The following ABI2 variants were observed in gnomAD, a reference collection of about 807,000 sequenced individuals.
The protein encoded by ABI2 is abelson interactor 2.
A neutral mutation model predicts 59.2 loss-of-function variants in ABI2; 25 were observed. That is an observed-to-expected ratio of 0.42 (90% CI 0.31 to 0.59). The LOEUF (loss-of-function observed/expected upper bound fraction) is 0.59, where lower values mean the gene tolerates loss of function less well. ABI2 is among the 20% of genes least tolerant of loss of function. ABI2 has a pLI of 0.14. For missense variants in ABI2, 545 were observed against 681.8 expected, an observed-to-expected ratio of 0.80 and a Z score of 2.23; for synonymous variants, 213 against 235.5, an observed-to-expected ratio of 0.90 and a Z score of 0.87.
At chr2:203,361,833 A>G (rs1289745355) in intron 1 of ABI2, among the ~76,000 whole-genome samples, 2 of 152,198 alleles carry the variant, frequency 1.3e-5, no homozygotes, top group Non-Finnish European at 1.5e-5. Flanking sequence ...TGAGCGAGGT[A>G]CCCTTTCTCA....
rs1559407416 is a variant in ABI2, at chr2:203,427,608, T to C, written c.*256T>C. ...TGACCATTTTTATGTATGTCAAAGG[T>C]ATAACAGCATAACTGTGTAGCCAAA... is the stretch of plus-strand genomic sequence containing the variant. On this transcript the variant is annotated 3_prime_UTR_variant, in exon 12 of 12. Transcript: ENST00000261018. 2.9e-6 allele frequency: 1 copy of C among 347,092 alleles called. No homozygotes were observed. Among genetic ancestry groups the C allele is most frequent in the Middle Eastern group, 8.0e-4 (1 of 1,248 alleles). 21.5% of individuals were successfully genotyped at this position (347,092 alleles called of 1,614,324 possible). A position where few individuals can be genotyped will look rare whatever the true frequency, so the allele number is the denominator to read the frequency against.
chr2:203,348,235 T>C (rs2085018475), intron 1 of ABI2, among the ~76,000 whole-genome samples: 1 of 152,120 alleles, frequency 6.6e-6, no homozygotes, highest in Admixed American at 6.6e-5. Context: ...AGCGAAACTT[T>C]GTCTCAAAAT....
At chr2:203,351,074 A>C (rs948526648) in intron 1 of ABI2, among the ~76,000 whole-genome samples, 2 of 152,142 alleles carry the variant, frequency 1.3e-5, no homozygotes, top group African/African-American at 4.8e-5. Flanking sequence ...GCATGTCACT[A>C]TCCAGTTGAC....
At chr2:203,330,148 G>A (rs1301322174) in intron 1 of ABI2, among the ~76,000 whole-genome samples, 2 of 152,132 alleles carry the variant, frequency 1.3e-5, no homozygotes, top group African/African-American at 2.4e-5. Flanking sequence ...TCGCGGAAGT[G>A]AGATTTTGTT....
intron 5 of ABI2, among the ~76,000 whole-genome samples, chr2:203,391,820 C>CAA (rs1373761885): frequency 8.7e-4 from 52 of 59,846 alleles, no homozygotes; most frequent in African/African-American, 2.4e-3. Flanking sequence ...GCCCCTGTCT[C>CAA]AAAAAAAAAA....
At chr2:203,376,733 C>CTTTTTTTTTTTTTTTTTTTTTTCTT (rs370295013) in intron 2 of ABI2, among the ~76,000 whole-genome samples, 1 of 114,898 alleles carries the variant, frequency 8.7e-6, no homozygotes, top group African/African-American at 3.2e-5. Flanking sequence ...TTGGTCTTCC[C>CTTTTTTTTTTTTTTTTTTTTTTCTT]TTTTTTTTTT....
At chr2:203,332,103 C>G (rs1367273425) in intron 1 of ABI2, among the ~76,000 whole-genome samples, 1 of 151,852 alleles carries the variant, frequency 6.6e-6, no homozygotes, top group Non-Finnish European at 1.5e-5. Flanking sequence ...AGCCACCGTG[C>G]CTGGCCCCCT....
intron 2 of ABI2, among the ~76,000 whole-genome samples, chr2:203,371,937 A>T (rs886927346): frequency 5.3e-5 from 8 of 150,660 alleles, no homozygotes; most frequent in South Asian, 2.1e-4. Flanking sequence ...TTATTTATTT[A>T]TTTATTTTTA....
rs1312379916 is a variant in ABI2 at position 203,328,500 on chromosome 2, G to C, written c.-15G>C. ...CTGCGACCTGTATGAGGAGGAGGAG[G>C]AGGAGGATGTGAAGATGGCGGAGCT... On this transcript the variant is annotated 5_prime_UTR_variant, in exon 1 of 12. Transcript: ENST00000261018. The C allele has an allele frequency of 7.5e-6, 12 of 1,593,042 alleles. No individual in the cohort carries two copies. The highest frequency in any genetic ancestry group is 1.4e-5 in the African/African-American group (1 of 73,648).
chr2:203,429,952 C>T lies in ABI2; in HGVS notation c.*2600C>T, dbSNP rs2098469439. The T allele has an allele frequency of 6.6e-6, 1 of 152,016 alleles. No individual in the cohort carries two copies. Among genetic ancestry groups the T allele is most frequent in the African/African-American group, 2.4e-5 (1 of 41,370 alleles). The allele number at this position is 152,016 out of a possible 1,614,324, so 9.4% of individuals were successfully genotyped here. On this transcript the variant is annotated 3_prime_UTR_variant, in exon 12 of 12. Transcript: ENST00000261018. ...TTGGGAGCAGGGGTAGTCCATGGGT[C>T]TGCTGATTTTTTTTCCCTATTTAGT... is the stretch of plus-strand genomic sequence containing the variant.
chr2:203,384,254 A>G (rs2096312655), intron 4 of ABI2, among the ~76,000 whole-genome samples: 1 of 150,114 alleles, frequency 6.7e-6, no homozygotes, highest in Non-Finnish European at 1.5e-5. Flanking sequence ...ATGTACCTTG[A>G]ACTGGTTCCT....
intron 7 of ABI2, among the ~76,000 whole-genome samples, chr2:203,396,214 A>G (rs1208859618): frequency 2.0e-5 from 3 of 152,200 alleles, no homozygotes; most frequent in Non-Finnish European, 4.4e-5. Context: ...TTTCTCTGAA[A>G]CAGAAAAATC....
chr2:203,342,754 G>A (rs1044484558), intron 1 of ABI2, among the ~76,000 whole-genome samples: 13 of 151,466 alleles, frequency 8.6e-5, no homozygotes, highest in South Asian at 2.1e-4. Context: ...CTGGCTAATC[G>A]CCCTCAAAAC....
intron 11 of ABI2, among the ~76,000 whole-genome samples, chr2:203,423,906 T>C (rs538289309): frequency 6.6e-6 from 1 of 152,340 alleles, no homozygotes; most frequent in African/African-American, 2.4e-5. Flanking sequence ...ATGCTAAATA[T>C]GAACAATGTA....
At chr2:203,343,932 C>T (rs188326505) in intron 1 of ABI2, among the ~76,000 whole-genome samples, 1 of 151,564 alleles carries the variant, frequency 6.6e-6, no homozygotes, top group Non-Finnish European at 1.5e-5. Context: ...GAGTTTGAGA[C>T]TAGCCTTGGC....
intron 2 of ABI2, chr2:203,374,942 C>T: frequency 2.4e-6 from 1 of 414,952 alleles, no homozygotes; most frequent in South Asian, 1.7e-5. Flanking sequence ...ATATTTTATA[C>T]AGTACCTTCC....
intron 11 of ABI2, among the ~76,000 whole-genome samples, chr2:203,421,630 T>C (rs942249088): frequency 6.6e-6 from 1 of 152,118 alleles, no homozygotes; most frequent in African/African-American, 2.4e-5. Flanking sequence ...GAAGGTATGA[T>C]CTCAAGCAGA....
At chr2:203,384,403 C>G (rs1375614288) in intron 4 of ABI2, among the ~76,000 whole-genome samples, 2 of 147,634 alleles carry the variant, frequency 1.4e-5, no homozygotes, top group African/African-American at 5.0e-5. Flanking sequence ...ACTGCCCTGA[C>G]TCAAGTGGTT....
At chr2:203,414,539 G>A (rs919845020) in intron 10 of ABI2, among the ~76,000 whole-genome samples, 6 of 152,148 alleles carry the variant, frequency 3.9e-5, no homozygotes, top group African/African-American at 1.4e-4. Context: ...TGTGGTTTAT[G>A]CTGTGTGCTT....
Sources: allele counts gnomAD v4.1 joint callset (sites outside exome capture counted in the v4.1 genomes callset), GRCh38; gene constraint gnomAD v4.1.1; transcripts MANE v1.5; gene names NCBI Gene and HGNC (gene_info 2026-07-23, HGNC 2026-07-21).